The following SMYD3 variants were observed in gnomAD, a reference collection of about 807,000 sequenced individuals.
SMYD3 encodes the protein SET and MYND domain containing 3.
In SMYD3, 36 loss-of-function variants were observed where a neutral mutation model predicts 57.7. The ratio of observed to expected loss-of-function variants is 0.62; its 90% CI spans 0.48 to 0.82. The LOEUF (loss-of-function observed/expected upper bound fraction) is 0.82, where lower values mean the gene tolerates loss of function less well. Among genes scored for constraint, SMYD3 ranks in the 40% least tolerant of loss-of-function variants. SMYD3 has a pLI of 0.00. For missense variants in SMYD3, 515 were observed against 538.8 expected, an observed-to-expected ratio of 0.96 and a Z score of 0.44; for synonymous variants, 211 against 195.0, an observed-to-expected ratio of 1.08 and a Z score of -0.68.
chr1:245,846,939 C>T (rs142205114), intron 10 of SMYD3, among the ~76,000 whole-genome samples: 1 of 152,272 alleles, frequency 6.6e-6, no homozygotes, highest in East Asian at 1.9e-4. Context: ...GTCCTTTATG[C>T]AGGAAGAGCA....
In SMYD3 at chr1:246,323,286, G is replaced by C. The variant is rs961318468; in HGVS notation, c.531+3915C>G. ...GTGTGTGTATTAACACTGGTGCTAA[G>C]AGTCAGAGTCAGACTAACACTGGTG... is the stretch of plus-strand genomic sequence containing the variant. On this transcript the variant is annotated intron_variant, in intron 5 of 11. Transcript: ENST00000490107. Among the ~76,000 whole-genome samples the C allele has an allele frequency of 2.6e-5, 4 of 152,208 alleles. No homozygotes were observed. The East Asian group carries it at 7.7e-4, about 29-fold the overall frequency.
chr1:245,922,550 T>C (rs1390809701), intron 7 of SMYD3, among the ~76,000 whole-genome samples: 1 of 152,212 alleles, frequency 6.6e-6, no homozygotes, highest in Non-Finnish European at 1.5e-5. Flanking sequence ...AGATTTACTA[T>C]AGTTTTGATA....
At chr1:246,474,305 A>G (rs544974692) in intron 1 of SMYD3, among the ~76,000 whole-genome samples, 5 of 152,130 alleles carry the variant, frequency 3.3e-5, no homozygotes, top group African/African-American at 1.2e-4. Flanking sequence ...GGATCATGAG[A>G]TCAGGAGATC....
intron 2 of SMYD3, among the ~76,000 whole-genome samples, chr1:246,350,624 T>G (rs966420172): frequency 6.6e-6 from 1 of 150,898 alleles, no homozygotes; most frequent in African/African-American, 2.4e-5. Context: ...CTGGAAAACA[T>G]GAAGGGAAGT....
chr1:245,887,176 G>C (rs1572596881), intron 8 of SMYD3, among the ~76,000 whole-genome samples: 1 of 152,282 alleles, frequency 6.6e-6, no homozygotes, highest in East Asian at 1.9e-4. Flanking sequence ...TGATAAAACA[G>C]GTTGCAGTAA....
chr1:246,002,642 C>T (rs1299140339), intron 5 of SMYD3, among the ~76,000 whole-genome samples: 1 of 122,826 alleles, frequency 8.1e-6, no homozygotes, highest in African/African-American at 3.0e-5. Flanking sequence ...TTAGTAGAGA[C>T]GGGGTTTCAC....
chr1:246,047,265 G>A (rs2059984684), intron 5 of SMYD3, among the ~76,000 whole-genome samples: 3 of 152,074 alleles, frequency 2.0e-5, no homozygotes, highest in African/African-American at 7.2e-5. Context: ...AAACCATGGG[G>A]AAAAAGAAAA....
At chr1:246,032,847 G>A (rs1442075948) in intron 5 of SMYD3, among the ~76,000 whole-genome samples, 1 of 152,150 alleles carries the variant, frequency 6.6e-6, no homozygotes, top group Admixed American at 6.5e-5. Flanking sequence ...GGAGAGTTCA[G>A]GCAGACATGG....
intron 5 of SMYD3, among the ~76,000 whole-genome samples, chr1:246,002,930 A>G (rs1158060280): frequency 6.6e-6 from 1 of 152,168 alleles, no homozygotes; most frequent in Non-Finnish European, 1.5e-5. Flanking sequence ...CTCTTACAGT[A>G]GTTCCCAACC....
rs77051177 is a variant in SMYD3, at chr1:246,402,212, T to G, written c.165-47118A>C. On this transcript the variant is annotated intron_variant, in intron 1 of 11. Coordinates refer to ENST00000490107, the MANE Select transcript of SMYD3 (RefSeq NM_001167740.2). ...ATATAGGATTAGCATATCACACATT[T>G]CAGCAAATATCAAAATACAGATGTT... Among the ~76,000 whole-genome samples, 892 of 151,970 alleles carry G rather than the reference T, an allele frequency of 5.9e-3. 3 individuals are homozygous for G. Among genetic ancestry groups the G allele is most frequent in the Middle Eastern group, 0.024 (7 of 294 alleles).
intron 5 of SMYD3, among the ~76,000 whole-genome samples, chr1:245,978,832 G>A (rs939073743): frequency 6.6e-6 from 1 of 152,112 alleles, no homozygotes; most frequent in Non-Finnish European, 1.5e-5. Context: ...CCAACACTAC[G>A]AAGGCAAATT....
intron 2 of SMYD3, among the ~76,000 whole-genome samples, chr1:246,339,318 T>C (rs760912301): frequency 9.2e-5 from 14 of 152,216 alleles, no homozygotes; most frequent in Non-Finnish European, 8.8e-5. Flanking sequence ...TACCTCAGCA[T>C]TTATATACTA....
intron 8 of SMYD3, among the ~76,000 whole-genome samples, chr1:245,866,257 A>G (rs2362584): frequency 0.55 from 83,927 of 151,458 alleles, 26,400 homozygotes; most frequent in Non-Finnish European, 0.73. Context: ...ATGAGGAGAT[A>G]GGAGCACTTG....
intron 1 of SMYD3, among the ~76,000 whole-genome samples, chr1:246,445,148 T>C (rs981253380): frequency 6.6e-6 from 1 of 152,226 alleles, no homozygotes; most frequent in Non-Finnish European, 1.5e-5. Context: ...ACGTAGCATG[T>C]AGTAAACATT....
intron 8 of SMYD3, among the ~76,000 whole-genome samples, chr1:245,887,194 G>GGCCAAATCCT (rs1419593470): frequency 1.3e-5 from 2 of 152,006 alleles, no homozygotes; most frequent in Non-Finnish European, 2.9e-5. Context: ...TAAAGGAGCT[G>GGCCAAATCCT]GCCAAATCCT....
intron 10 of SMYD3, among the ~76,000 whole-genome samples, chr1:245,831,589 C>T (rs899127472): frequency 2.6e-5 from 4 of 152,198 alleles, no homozygotes; most frequent in African/African-American, 9.7e-5. Flanking sequence ...CAAAGGTTGT[C>T]GATGTTTGGA....
At chr1:246,037,220 C>T (rs2059792018) in intron 5 of SMYD3, among the ~76,000 whole-genome samples, 1 of 152,160 alleles carries the variant, frequency 6.6e-6, no homozygotes, top group African/African-American at 2.4e-5. Flanking sequence ...AAAGATATTA[C>T]CTTCATATAT....
chr1:246,115,739 T>C (rs576797337), intron 5 of SMYD3, among the ~76,000 whole-genome samples: 3 of 152,298 alleles, frequency 2.0e-5, no homozygotes, highest in African/African-American at 7.2e-5. Flanking sequence ...ATTACTTTTA[T>C]ACAACTAGTG....
At chr1:245,816,665 C>T (rs12088137) in intron 10 of SMYD3, among the ~76,000 whole-genome samples, 2,243 of 152,132 alleles carry the variant, frequency 0.015, 52 homozygotes, top group African/African-American at 0.051. Context: ...GAGTGCCAGA[C>T]AGTGGGCACA....
Sources: allele counts gnomAD v4.1 joint callset (sites outside exome capture counted in the v4.1 genomes callset), GRCh38; gene constraint gnomAD v4.1.1; transcripts MANE v1.5; gene names NCBI Gene and HGNC (gene_info 2026-07-23, HGNC 2026-07-21).